GNA14: variants seen among roughly 807,000 people sequenced by gnomAD.
The protein encoded by GNA14 is guanine nucleotide-binding protein subunit alpha-14.
In GNA14, 50 loss-of-function variants were observed where a neutral mutation model predicts 42.0. That is an observed-to-expected ratio of 1.19 (90% CI 0.95 to 1.51). GNA14 has a LOEUF of 1.51. Ranked by LOEUF, GNA14 falls within the 40% of genes most tolerant of loss-of-function variation. The pLI is 0.00. For missense variants in GNA14, 473 were observed against 446.2 expected, an observed-to-expected ratio of 1.06 and a Z score of -0.54; for synonymous variants, 173 against 163.1, an observed-to-expected ratio of 1.06 and a Z score of -0.46.
At chr9:77,586,702 G>C (rs1823309414) in intron 1 of GNA14, among the ~76,000 whole-genome samples, 1 of 152,268 alleles carries the variant, frequency 6.6e-6, no homozygotes, top group African/African-American at 2.4e-5. Flanking sequence ...CCCAAAAATT[G>C]GTTGGACCAG....
At chr9:77,516,810 TGTGGAC>T (rs1301631781) in intron 2 of GNA14, among the ~76,000 whole-genome samples, 1 of 152,232 alleles carries the variant, frequency 6.6e-6, no homozygotes, top group Non-Finnish European at 1.5e-5. Flanking sequence ...GTTACACCTT[TGTGGAC>T]AGTGACAAGA....
intron 2 of GNA14, among the ~76,000 whole-genome samples, chr9:77,458,904 A>AGCGGT (rs55765810): frequency 1.5e-5 from 2 of 134,410 alleles, no homozygotes; most frequent in Non-Finnish European, 3.3e-5. Context: ...CACAAGCTGG[A>AGCGGT]GGGGGGGGGG....
At chr9:77,449,136 T>C (rs1835867843) in intron 2 of GNA14, among the ~76,000 whole-genome samples, 2 of 152,202 alleles carry the variant, frequency 1.3e-5, no homozygotes. Context: ...CTGCCTACAG[T>C]GTTCAGTACA....
chr9:77,597,181 T>G (rs1027707880), intron 1 of GNA14, among the ~76,000 whole-genome samples: 13 of 152,198 alleles, frequency 8.5e-5, no homozygotes, highest in Non-Finnish European at 1.9e-4. Context: ...CTGGTGGAGT[T>G]TGTTGAACAA....
At position 77,596,251 on chromosome 9, in the gene GNA14, GAT is replaced by G. The variant is rs565865646; in HGVS notation, c.124+51417_124+51418del. On this transcript the variant is annotated intron_variant, in intron 1 of 6. Transcript: ENST00000341700. ...ACGTAAATATTGAGATTAACAAAAA[GAT>G]ATAATTTTCTGAGTGACTGAAATTA... Among the ~76,000 whole-genome samples, 417 of 152,082 alleles carry G rather than the reference GAT, an allele frequency of 2.7e-3. 3 individuals are homozygous for G. The highest frequency in any genetic ancestry group is 3.5e-3 in the East Asian group (18 of 5,162).
chr9:77,527,190 C>T (rs780643426), intron 2 of GNA14, among the ~76,000 whole-genome samples: 1 of 152,200 alleles, frequency 6.6e-6, no homozygotes, highest in Non-Finnish European at 1.5e-5. Flanking sequence ...ATTCCTGCCT[C>T]TTCACTGAAG....
intron 2 of GNA14, among the ~76,000 whole-genome samples, chr9:77,455,073 C>T (rs1321980468): frequency 1.3e-5 from 2 of 152,182 alleles, no homozygotes; most frequent in African/African-American, 2.4e-5. Flanking sequence ...GTTCTCTGTG[C>T]AAGGTCTCAC....
At chr9:77,476,931 A>C (rs752592678) in intron 2 of GNA14, among the ~76,000 whole-genome samples, 2 of 152,196 alleles carry the variant, frequency 1.3e-5, no homozygotes, top group Non-Finnish European at 2.9e-5. Flanking sequence ...TGGCTCAGGG[A>C]AAGACTGCAT....
At chr9:77,585,755 G>A (rs930374062) in intron 1 of GNA14, among the ~76,000 whole-genome samples, 1 of 152,190 alleles carries the variant, frequency 6.6e-6, no homozygotes, top group Non-Finnish European at 1.5e-5. Context: ...TATTGCCTGT[G>A]ACGTCTATCC....
chr9:77,547,336 C>T (rs1461672197), intron 1 of GNA14, among the ~76,000 whole-genome samples: 2 of 152,068 alleles, frequency 1.3e-5, no homozygotes, highest in East Asian at 1.9e-4. Flanking sequence ...TATCTTTCCA[C>T]CAAAATCCTA....
chr9:77,644,437 CAAAAAAA>C (rs764737417), intron 1 of GNA14, among the ~76,000 whole-genome samples: 674 of 34,012 alleles, frequency 0.02, 13 homozygotes, highest in African/African-American at 0.074. Flanking sequence ...TAAAGAGTGT[CAAAAAAA>C]AAAAAAAAAA....
At chr9:77,639,401 T>C (rs1012179436) in intron 1 of GNA14, among the ~76,000 whole-genome samples, 7 of 152,228 alleles carry the variant, frequency 4.6e-5, no homozygotes, top group African/African-American at 1.7e-4. Flanking sequence ...AAGAAACTAA[T>C]GTACATTCCA....
At chr9:77,635,235 C>T (rs541696393) in intron 1 of GNA14, 12 of 152,258 alleles carry the variant, frequency 7.9e-5, no homozygotes, top group African/African-American at 2.6e-4. Flanking sequence ...ATCTGCATGT[C>T]ATCCTTGCAT....
At position 77,539,685 on chromosome 9, in the gene GNA14, A is replaced by G. The variant is rs148184620; in HGVS notation, c.125-10432T>C. ...TTTTTATTACTGATTCAATCCCAGT[A>G]GTTGTAATTGATTGGTTTAGGTTTT... On this transcript the variant is annotated intron_variant, in intron 1 of 6. Coordinates refer to ENST00000341700, the MANE Select transcript of GNA14 (RefSeq NM_004297.4). 2.4e-4 allele frequency among the ~76,000 whole-genome samples: 36 copies of G among 152,238 alleles called. No homozygotes were observed. The East Asian group carries it at 4.8e-3, about 20-fold the overall frequency.
rs574148099 is a variant in GNA14, at chr9:77,424,166, G to A, written c.881C>T (p.Pro294Leu). ...TCTGGCAGCTCTGACATCCTGTTTC[G>A]GTCCTAGTCACAAGTGCAATTACAG... ...LISYFPEYTG[P>L]KQDVRAARDF... The change falls in exon 7 of 7, where the codon CCG becomes CTG. Residue 294 changes from proline to leucine, a missense_variant. Coordinates refer to ENST00000341700, the MANE Select transcript of GNA14 (RefSeq NM_004297.4). 1.9e-5 allele frequency: 30 copies of A among 1,602,238 alleles called. No homozygotes were observed. Among genetic ancestry groups the A allele is most frequent in the Middle Eastern group, 1.7e-4 (1 of 6,010 alleles).
chr9:77,643,692 G>A (rs996877194), intron 1 of GNA14, among the ~76,000 whole-genome samples: 1 of 152,306 alleles, frequency 6.6e-6, no homozygotes, highest in East Asian at 1.9e-4. Context: ...ACTTTTTGGT[G>A]TAAGCAGGAA....
At chr9:77,427,557 AT>A (rs1297962596) in intron 5 of GNA14, among the ~76,000 whole-genome samples, 1 of 152,220 alleles carries the variant, frequency 6.6e-6, no homozygotes, top group Non-Finnish European at 1.5e-5. Flanking sequence ...AACAAAAGAC[AT>A]TTTTTAAAAG....
At chr9:77,435,961 G>C (rs1835633978) in intron 2 of GNA14, among the ~76,000 whole-genome samples, 1 of 152,214 alleles carries the variant, frequency 6.6e-6, no homozygotes, top group African/African-American at 2.4e-5. Flanking sequence ...GCAGCTGTGA[G>C]TCAGCAAACC....
intron 1 of GNA14, among the ~76,000 whole-genome samples, chr9:77,621,004 G>A (rs1164740341): frequency 2.6e-5 from 4 of 151,916 alleles, no homozygotes; most frequent in African/African-American, 7.3e-5. Context: ...CACGATCTCA[G>A]CTCACTGCAG....
Sources: gnomAD v4.1 joint callset for allele counts (sites outside exome capture counted in the v4.1 genomes callset) on GRCh38, gnomAD v4.1.1 for gene constraint, MANE v1.5 for transcripts, NCBI Gene and HGNC (gene_info 2026-07-23, HGNC 2026-07-21) for gene names.